EPB41L1: variants seen among roughly 807,000 people sequenced by gnomAD.
The protein encoded by EPB41L1 is erythrocyte membrane protein band 4.1 like 1, also known as band 4.1-like protein 1.
In EPB41L1, 29 loss-of-function variants were observed where a neutral mutation model predicts 97.8. That is an observed-to-expected ratio of 0.30 (90% CI 0.22 to 0.40). The LOEUF is 0.40. Ranked by LOEUF, EPB41L1 falls within the 10% of genes least tolerant of loss-of-function variation. The pLI, the probability that EPB41L1 is intolerant of heterozygous loss-of-function variation, is 1.00. For synonymous variants in EPB41L1, 383 were observed against 459.2 expected, an observed-to-expected ratio of 0.83 and a Z score of 2.12; for missense variants, 812 against 1,162.3, an observed-to-expected ratio of 0.70 and a Z score of 4.38.
At chr20:36,098,132 T>C (rs1488085091) in intron 1 of EPB41L1, among the ~76,000 whole-genome samples, 1 of 152,168 alleles carries the variant, frequency 6.6e-6, no homozygotes, top group African/African-American at 2.4e-5. Flanking sequence ...CTTTTTCCTC[T>C]GTAAGCCTGT....
In EPB41L1 at chr20:36,190,550, A is replaced by C. The variant is rs2061901914; in HGVS notation, c.1125-72A>C. 10 of 1,598,000 alleles carry C rather than the reference A, an allele frequency of 6.3e-6. No homozygotes were observed. Among genetic ancestry groups the C allele is most frequent in the Non-Finnish European group, 7.7e-6 (9 of 1,168,356 alleles). On this transcript the variant is annotated intron_variant, in intron 10 of 21. Transcript: ENST00000338074. This position sits in a 1 kb window ranked among gnomAD's most constrained non-coding sequence, Gnocchi z 5.8. ...TGGTGGAGTAGTGGGATGAAAGGCCAGCTGTGGTCTAACCTTGGGCCTGGC... is the reference window on the plus strand; with the variant it reads ...TGGTGGAGTAGTGGGATGAAAGGCCCGCTGTGGTCTAACCTTGGGCCTGGC...
upstream of EPB41L1, chr20:36,152,142 T>A (rs1443791066): frequency 1.3e-5 from 2 of 152,056 alleles, no homozygotes; most frequent in East Asian, 3.9e-4. Flanking sequence ...GATGATATTA[T>A]CTCACAAGAT....
chr20:36,178,751 T>C, intron 5 of EPB41L1, 79 bp downstream of exon 5: 1 of 1,452,254 alleles, frequency 6.9e-7, no homozygotes, highest in Non-Finnish European at 9.7e-7. Context: ...TACTGCTCTC[T>C]CCTCCTTTGG....
Position 36,204,548 on chromosome 20 carries a change from G to A in EPB41L1, c.1669-4940G>A, listed in dbSNP as rs190029750. Among the ~76,000 whole-genome samples the A allele has an allele frequency of 1.0e-4, 15 of 146,612 alleles. No homozygotes were observed. The East Asian group carries it at 2.2e-3, about 21-fold the overall frequency. The stretch of plus-strand genomic sequence containing the variant: ...CAGGCTAGATAGAGTGCATTGGTGC[G>A]ATCTCGGCTCACCGCAACCTCTGCC... On this transcript the variant is annotated intron_variant, in intron 14 of 21. Coordinates refer to ENST00000338074, the MANE Select transcript of EPB41L1 (RefSeq NM_012156.2).
At chr20:36,198,597 A>C (rs1033242628) in intron 14 of EPB41L1, among the ~76,000 whole-genome samples, 10 of 152,340 alleles carry the variant, frequency 6.6e-5, no homozygotes, top group Admixed American at 6.5e-4. Flanking sequence ...GCTTCAGAAA[A>C]GGATCTCACA....
intron 2 of EPB41L1, among the ~76,000 whole-genome samples, chr20:36,126,428 G>A (rs1185401774): frequency 4.7e-5 from 7 of 150,030 alleles, no homozygotes; most frequent in Admixed American, 6.7e-5. Context: ...GTGCAATGGC[G>A]TGATCTCGGC....
intron 2 of EPB41L1, among the ~76,000 whole-genome samples, chr20:36,119,842 A>G (rs1489883143): frequency 6.6e-6 from 1 of 152,066 alleles, no homozygotes; most frequent in African/African-American, 2.4e-5. Flanking sequence ...TAGATTGCCC[A>G]CTGCCCTCCA....
Position 36,190,846 on chromosome 20 carries a change from C to A in EPB41L1, c.1300+49C>A. The A allele has an allele frequency of 6.2e-7, 1 of 1,604,402 alleles. No individual in the cohort carries two copies. The highest frequency in any genetic ancestry group is 1.1e-5 in the South Asian group (1 of 90,684). On this transcript the variant is annotated intron_variant, in intron 11 of 21. Coordinates refer to ENST00000338074, the MANE Select transcript of EPB41L1 (RefSeq NM_012156.2). The surrounding 1 kb of genome is among the most constrained non-coding windows in gnomAD (Gnocchi z 5.8). Reference sequence around the variant, plus strand: ...GGCGGGGAATGGTCTTCAGAGGGAACTGGGGGAGTGGGCATGCTGGGTTCT... The same window carrying A: ...GGCGGGGAATGGTCTTCAGAGGGAAATGGGGGAGTGGGCATGCTGGGTTCT...
chr20:36,169,400 A>G (rs1402703158), intron 1 of EPB41L1, among the ~76,000 whole-genome samples: 2 of 152,194 alleles, frequency 1.3e-5, no homozygotes, highest in African/African-American at 2.4e-5. Flanking sequence ...CAAGAGGTCC[A>G]TGAATGACTG....
chr20:36,175,565 G>A lies in EPB41L1; in HGVS notation c.192G>A (p.Glu64=). The A allele has an allele frequency of 6.2e-7, 1 of 1,614,210 alleles. No individual in the cohort carries two copies. Among genetic ancestry groups the A allele is most frequent in the South Asian group, 1.1e-5 (1 of 91,082 alleles). ...TRPAEQSLDM[E]EKDYSEADGL... is the part of the protein sequence containing the mutation. Reference sequence around the variant, plus strand: ...TGGTCCTGCAGAGCCTAGACATGGAGGAGAAGGACTACAGTGAGGCCGATG... The same window carrying A: ...TGGTCCTGCAGAGCCTAGACATGGAAGAGAAGGACTACAGTGAGGCCGATG... Residue 64 remains glutamate (E), a synonymous_variant, in exon 3 of 22, where the codon GAG becomes GAA. Transcript: ENST00000338074.
chr20:36,176,630 CTTT>C (rs549487167), intron 3 of EPB41L1, among the ~76,000 whole-genome samples: 2 of 136,760 alleles, frequency 1.5e-5, no homozygotes, highest in Non-Finnish European at 3.2e-5. Context: ...TCTTTTTTTT[CTTT>C]TTTTTTTTTT....
chr20:36,232,741 GCTCT>G lies in EPB41L1; in HGVS notation c.*3404_*3407del, dbSNP rs1481369584. On this transcript the variant is annotated 3_prime_UTR_variant, in exon 22 of 22. Coordinates refer to ENST00000338074, the MANE Select transcript of EPB41L1 (RefSeq NM_012156.2). ...TCAGTGCTCCGTGCTGTATGCGTGT[GCTCT>G]CTGTTCTTGTATACTCAATATAAGT... 2.5e-6 allele frequency: 1 copy of G among 398,014 alleles called. No homozygotes were observed. Among genetic ancestry groups the G allele is most frequent in the Admixed American group, 4.4e-5 (1 of 22,634 alleles). The allele number at this position is 398,014 out of a possible 1,614,324, so 24.7% of individuals were successfully genotyped here. A position where few individuals can be genotyped will look rare whatever the true frequency, so the allele number is the denominator to read the frequency against.
intron 2 of EPB41L1, among the ~76,000 whole-genome samples, chr20:36,122,004 T>A (rs976971599): frequency 2.6e-5 from 4 of 152,182 alleles, no homozygotes; most frequent in African/African-American, 9.7e-5. Context: ...GTCACCAAAC[T>A]ATGCTGGAAC....
intron 1 of EPB41L1, among the ~76,000 whole-genome samples, chr20:36,105,276 G>A (rs867484095): frequency 6.6e-6 from 1 of 152,150 alleles, no homozygotes; most frequent in East Asian, 1.9e-4. Flanking sequence ...GGGCTTCCAA[G>A]GTCAGAGCTA....
chr20:36,188,044 C>T (rs2061759111), intron 8 of EPB41L1, among the ~76,000 whole-genome samples: 2 of 152,174 alleles, frequency 1.3e-5, no homozygotes, highest in African/African-American at 4.8e-5. Flanking sequence ...ATCCCTAGCA[C>T]CTGGCACATA....
At chr20:36,196,107 G>T (rs1331566786) in intron 13 of EPB41L1, among the ~76,000 whole-genome samples, 1 of 152,166 alleles carries the variant, frequency 6.6e-6, no homozygotes, top group African/African-American at 2.4e-5. Flanking sequence ...AGAGAAGTGG[G>T]TTTATTCTTG....
rs578092687 is a variant in EPB41L1, at chr20:36,218,971, G to A, written c.2355+9G>A. ...TCCGTTCTCTTTCTCCGGTAAGTGG[G>A]CAAGGCCAGCTCAGGCTAGGGGACT... is the stretch of plus-strand genomic sequence containing the variant. On this transcript the variant is annotated intron_variant, in intron 18 of 21. Transcript: ENST00000338074. The A allele has an allele frequency of 1.2e-6, 2 of 1,613,610 alleles. No individual in the cohort carries two copies. Among genetic ancestry groups the A allele is most frequent in the Non-Finnish European group, 1.7e-6 (2 of 1,179,742 alleles).
chr20:36,146,500 C>T (rs1265644060), intron 2 of EPB41L1, among the ~76,000 whole-genome samples: 2 of 152,214 alleles, frequency 1.3e-5, no homozygotes, highest in Admixed American at 6.5e-5. Flanking sequence ...CATACACAGA[C>T]GACTTCTCTG....
chr20:36,222,357 C>T lies in EPB41L1; in HGVS notation c.2600C>T (p.Thr867Ile), dbSNP rs201412687. 6.2e-7 allele frequency: 1 copy of T among 1,614,102 alleles called. No homozygotes were observed. The highest frequency in any genetic ancestry group is 1.3e-5 in the African/African-American group (1 of 75,044). ...LVTKAVVYRE[T>I]DPSPEERDKK... ...ACCAAAGCTGTCGTATACAGAGAAA[C>T]AGACCCATCCCCAGAGGAGAGGGAC... is the stretch of plus-strand genomic sequence containing the variant. Residue 867 changes from threonine to isoleucine, a missense_variant, in exon 21 of 22, where the codon ACA becomes ATA. Around this residue, in one of 3 missense-constraint regions of EPB41L1, gnomAD observed 498 missense variants for 622.7 expected, o/e 0.80. Coordinates refer to ENST00000338074, the MANE Select transcript of EPB41L1 (RefSeq NM_012156.2).
Sources: gnomAD v4.1 joint callset for allele counts (sites outside exome capture counted in the v4.1 genomes callset) on GRCh38, gnomAD v4.1.1 for gene constraint, gnomAD v4.1.1 regional missense constraint, Gnocchi (gnomAD v3.1) non-coding constraint, MANE v1.5 for transcripts, NCBI Gene and HGNC (gene_info 2026-07-23, HGNC 2026-07-21) for gene names.